GTF3C4: variants seen among roughly 807,000 people sequenced by gnomAD.
GTF3C4 encodes general transcription factor IIIC subunit 4, also known as general transcription factor 3C polypeptide 4.
In GTF3C4, 28 loss-of-function variants were observed where a neutral mutation model predicts 67.5. The observed-to-expected ratio is 0.41, with a 90% CI of 0.31 to 0.57. The LOEUF is 0.57. Among genes scored for constraint, GTF3C4 ranks in the 20% least tolerant of loss-of-function variants. The pLI, the probability that GTF3C4 is intolerant of heterozygous loss-of-function variation, is 0.21. For synonymous variants in GTF3C4, 409 were observed against 393.0 expected (o/e 1.04, Z -0.48); for missense variants, 831 against 1,033.2 (o/e 0.80, Z 2.68).
In GTF3C4 at chr9:132,679,257, G is replaced by T; in HGVS notation, c.1638G>T (p.Lys546Asn). The change falls in exon 2 of 5, where the codon AAG becomes AAT. Residue 546 changes from lysine to asparagine, a missense_variant. Physicochemically the swap from Lys to Asn is moderately conservative, Grantham distance 94 (BLOSUM62 0). Around this residue, in one of 4 missense-constraint regions of GTF3C4, gnomAD observed 390 missense variants for 540.3 expected, o/e 0.72. Coordinates refer to ENST00000372146, the MANE Select transcript of GTF3C4 (RefSeq NM_012204.4). This position sits in a 1 kb window ranked among gnomAD's most constrained non-coding sequence, Gnocchi z 5.9. ...QVDLIDLVRW[K>N]ILKDKHIPQF... ...ATTTAATAGACCTAGTACGCTGGAAGATTTTAAAAGATAAACATATCCCTC... is the reference window on the plus strand; with the variant it reads ...ATTTAATAGACCTAGTACGCTGGAATATTTTAAAAGATAAACATATCCCTC... The T allele has an allele frequency of 6.2e-7, 1 of 1,613,524 alleles. No homozygotes were observed. The highest frequency in any genetic ancestry group is 8.5e-7 in the Non-Finnish European group (1 of 1,179,800).
intron 1 of GTF3C4, among the ~76,000 whole-genome samples, chr9:132,672,362 T>A (rs73659430): frequency 6.6e-6 from 1 of 152,136 alleles, no homozygotes; most frequent in Non-Finnish European, 1.5e-5. Flanking sequence ...GAGAGACTTA[T>A]GGGGCAGGTC....
rs1385476737 is a variant in GTF3C4 at position 132,671,392 on chromosome 9, GTCC to G, written c.357+443_357+445del. 3.3e-5 allele frequency among the ~76,000 whole-genome samples: 5 copies of G among 152,326 alleles called. No homozygotes were observed. The East Asian group carries it at 5.8e-4, about 18-fold the overall frequency. ...TTGGCTGGCTTTGTCTACTGTGTGT[GTCC>G]TCCTCTCGCGCCTCTTTAGCTTCAG... On this transcript the variant is annotated intron_variant, in intron 1 of 4. Coordinates refer to ENST00000372146, the MANE Select transcript of GTF3C4 (RefSeq NM_012204.4).
chr9:132,670,903 T>C lies in GTF3C4; in HGVS notation c.305T>C (p.Leu102Pro). Residue 102 changes from leucine to proline, a missense_variant, in exon 1 of 5, where the codon CTG becomes CCG. By Grantham distance (98) the Leu-to-Pro change is moderately conservative. This residue lies in a region of GTF3C4 where 237 missense variants were observed against 212.7 expected (regional missense o/e 1.11). Transcript: ENST00000372146. ...ICDVHNPGQDLVIHRTSVPAP... is the reference protein window; with the variant it reads ...ICDVHNPGQDPVIHRTSVPAP... ...GACGTGCACAACCCGGGCCAGGACC[T>C]GGTTATCCACCGCACCTCGGTGCCC... 1 of 1,612,458 alleles carries C rather than the reference T, an allele frequency of 6.2e-7. No homozygotes were observed. Among genetic ancestry groups the C allele is most frequent in the Non-Finnish European group, 8.5e-7 (1 of 1,179,886 alleles).
chr9:132,672,996 A>C (rs1255151554), intron 1 of GTF3C4, among the ~76,000 whole-genome samples: 2 of 152,038 alleles, frequency 1.3e-5, no homozygotes, highest in Admixed American at 6.5e-5. Context: ...CATCCTGGCT[A>C]ACACAGTGAA....
intron 2 of GTF3C4, among the ~76,000 whole-genome samples, chr9:132,680,892 C>T (rs3851546): frequency 0.29 from 44,470 of 152,142 alleles, 7,062 homozygotes; most frequent in Middle Eastern, 0.42. Flanking sequence ...GGGCAGAACA[C>T]AAGGTCAGGA....
At chr9:132,681,182 G>A (rs1020392189) in intron 2 of GTF3C4, among the ~76,000 whole-genome samples, 5 of 152,326 alleles carry the variant, frequency 3.3e-5, no homozygotes, top group African/African-American at 1.2e-4. Flanking sequence ...CAGTGCCATG[G>A]GACCTGGTTA....
At position 132,670,700 on chromosome 9, in the gene GTF3C4, G is replaced by T. The variant is rs2130888448; in HGVS notation, c.102G>T (p.Glu34Asp). The change falls in exon 1 of 5, where the codon GAG (glutamate) becomes GAT (aspartate). Residue 34 changes from glutamate to aspartate, a missense_variant. Physicochemically the swap from Glu to Asp is conservative, Grantham distance 45. This residue lies in a region of GTF3C4 where 237 missense variants were observed against 212.7 expected (regional missense o/e 1.11). Transcript: ENST00000372146. Reference sequence around the variant, plus strand: ...GGGGCGGCGAGGCGGGCGGGAAGGAGCCAGCAGCGGACGCGGCCCCGGGGC... The same window carrying T: ...GGGGCGGCGAGGCGGGCGGGAAGGATCCAGCAGCGGACGCGGCCCCGGGGC... Reference protein sequence around the residue: ...GEGGGEAGGKEPAADAAPGPS... With the variant: ...GEGGGEAGGKDPAADAAPGPS... 2 of 1,523,996 alleles carry T rather than the reference G, an allele frequency of 1.3e-6. No homozygotes were observed. The highest frequency in any genetic ancestry group is 1.8e-6 in the Non-Finnish European group (2 of 1,142,504). 94.4% of individuals were successfully genotyped at this position (1,523,996 alleles called of 1,614,324 possible). A position where few individuals can be genotyped will look rare whatever the true frequency, so the allele number is the denominator to read the frequency against.
In GTF3C4 at chr9:132,689,150, G is replaced by A. The variant is rs1384884942; in HGVS notation, c.*205G>A. ...CTAAAGGATGTCCTTTGAAATGGCT[G>A]GACTCAGAGAGTTGGAGTCGTTTTG... On this transcript the variant is annotated 3_prime_UTR_variant, in exon 5 of 5. Transcript: ENST00000372146. 12 of 560,872 alleles carry A rather than the reference G, an allele frequency of 2.1e-5. No individual in the cohort carries two copies. Among genetic ancestry groups the A allele is most frequent in the South Asian group, 8.6e-5 (4 of 46,448 alleles). The allele number at this position is 560,872 out of a possible 1,614,324, so 34.7% of individuals were successfully genotyped here. A position where few individuals can be genotyped will look rare whatever the true frequency, so the allele number is the denominator to read the frequency against.
At chr9:132,682,386 G>A (rs1039642524) in intron 2 of GTF3C4, among the ~76,000 whole-genome samples, 8 of 152,066 alleles carry the variant, frequency 5.3e-5, no homozygotes, top group Admixed American at 2.0e-4. Flanking sequence ...TAATTTTAGT[G>A]AATTAATCCA....
intron 3 of GTF3C4, among the ~76,000 whole-genome samples, chr9:132,684,029 G>A (rs1835987624): frequency 6.6e-6 from 1 of 152,072 alleles, no homozygotes; most frequent in Non-Finnish European, 1.5e-5. Context: ...GGCTGCATTT[G>A]GCACAATTAC....
chr9:132,683,248 A>G (rs1391359658), intron 2 of GTF3C4, among the ~76,000 whole-genome samples: 3 of 152,224 alleles, frequency 2.0e-5, no homozygotes, highest in Admixed American at 1.3e-4. Context: ...TTCAGAAGCA[A>G]CTAAAACAAG....
chr9:132,687,915 A>G (rs1443410368), intron 4 of GTF3C4, among the ~76,000 whole-genome samples: 1 of 152,248 alleles, frequency 6.6e-6, no homozygotes, highest in African/African-American at 2.4e-5. Context: ...ATGCACTCTA[A>G]CCAAGTGAGC....
chr9:132,681,338 C>A (rs1835940984), intron 2 of GTF3C4, among the ~76,000 whole-genome samples: 2 of 152,094 alleles, frequency 1.3e-5, no homozygotes, highest in South Asian at 4.1e-4. Flanking sequence ...TCCAACATAG[C>A]CATTTTAAAA....
At position 132,692,928 on chromosome 9, in the gene GTF3C4, A is replaced by G. The variant is rs1182261043; in HGVS notation, c.*3983A>G. 6.6e-6 allele frequency: 1 copy of G among 152,202 alleles called. No homozygotes were observed. The highest frequency in any genetic ancestry group is 2.4e-5 in the African/African-American group (1 of 41,442). The allele number at this position is 152,202 out of a possible 1,614,324, so 9.4% of individuals were successfully genotyped here. The stretch of plus-strand genomic sequence containing the variant: ...GGTTTTTGGAGTAAAGATCTGCTTC[A>G]TGTCTGCTAGCATGGTATCTGCTGT... On this transcript the variant is annotated 3_prime_UTR_variant, in exon 5 of 5. Transcript: ENST00000372146.
Position 132,692,498 on chromosome 9 carries a change from A to C in GTF3C4, c.*3553A>C, listed in dbSNP as rs1836133358. On this transcript the variant is annotated 3_prime_UTR_variant, in exon 5 of 5. Transcript: ENST00000372146. ...CCACCCCCAGCCAATATTCTTCATA[A>C]GCAAAAATTATGGTTAAGCTAAGCT... 6.6e-6 allele frequency: 1 copy of C among 152,188 alleles called. No individual in the cohort carries two copies. The highest frequency in any genetic ancestry group is 1.5e-5 in the Non-Finnish European group (1 of 68,034). The allele number at this position is 152,188 out of a possible 1,614,324, so 9.4% of individuals were successfully genotyped here. A position where few individuals can be genotyped will look rare whatever the true frequency, so the allele number is the denominator to read the frequency against.
chr9:132,681,821 T>C (rs372221853), intron 2 of GTF3C4, among the ~76,000 whole-genome samples: 9 of 152,144 alleles, frequency 5.9e-5, no homozygotes, highest in African/African-American at 1.2e-4. Flanking sequence ...TCCTTCCTTA[T>C]GTAAAATTGA....
In GTF3C4 at chr9:132,679,057, A is replaced by G; in HGVS notation, c.1438A>G (p.Ile480Val). ...DVFGSVRTHG[I>V]AVSPCGAYLA... ...GTTTGGCTCAGTGAGGACTCACGGG[A>G]TAGCAGTGAGCCCCTGCGGTGCATA... The change falls in exon 2 of 5, where the codon ATA becomes GTA. Residue 480 changes from isoleucine to valine, a missense_variant. Physicochemically the swap from Ile to Val is conservative, Grantham distance 29. Coordinates refer to ENST00000372146, the MANE Select transcript of GTF3C4 (RefSeq NM_012204.4). The surrounding 1 kb of genome is among the most constrained non-coding windows in gnomAD (Gnocchi z 5.9). 1 of 1,614,174 alleles carries G rather than the reference A, an allele frequency of 6.2e-7. No homozygotes were observed. Among genetic ancestry groups the G allele is most frequent in the Non-Finnish European group, 8.5e-7 (1 of 1,180,026 alleles).
intron 1 of GTF3C4, among the ~76,000 whole-genome samples, chr9:132,674,898 G>A (rs1031323573): frequency 6.6e-6 from 1 of 152,194 alleles, no homozygotes; most frequent in Non-Finnish European, 1.5e-5. Context: ...AGGCATGGTG[G>A]TGTGCACCTG....
rs1175454099 is a variant in GTF3C4, at chr9:132,679,779, A to G, written c.2160A>G (p.Glu720=). 1.2e-6 allele frequency: 2 copies of G among 1,611,100 alleles called. No individual in the cohort carries two copies. The highest frequency in any genetic ancestry group is 1.7e-6 in the Non-Finnish European group (2 of 1,177,524). Residue 720 remains glutamate, a synonymous_variant, in exon 2 of 5, where the codon GAA becomes GAG. Coordinates refer to ENST00000372146, the MANE Select transcript of GTF3C4 (RefSeq NM_012204.4). This position sits in a 1 kb window ranked among gnomAD's most constrained non-coding sequence, Gnocchi z 5.9. ...TCTGTAACTTTTTAATGTCTGATGA[A>G]GAGTATGATGACAGAACTGCACGGG... The part of the protein sequence containing the change: ...RGLCNFLMSD[E]EYDDRTARVL...
Sources: allele counts gnomAD v4.1 joint callset (sites outside exome capture counted in the v4.1 genomes callset), GRCh38; gene constraint gnomAD v4.1.1; regional missense constraint gnomAD v4.1.1; non-coding constraint Gnocchi (gnomAD v3.1); transcripts MANE v1.5; gene names NCBI Gene and HGNC (gene_info 2026-07-23, HGNC 2026-07-21).